Variants in GTF2F2 observed in about 807,000 individuals in gnomAD.
GTF2F2 encodes general transcription factor IIF subunit 2.
In GTF2F2, 23 loss-of-function variants were observed where a neutral mutation model predicts 42.2. The ratio of observed to expected loss-of-function variants is 0.55; its 90% CI spans 0.39 to 0.77. The LOEUF is 0.77. Ranked by LOEUF, GTF2F2 falls within the 30% of genes least tolerant of loss-of-function variation. The probability of loss-of-function intolerance (pLI) is 0.00; values close to 1 mark genes in which losing one functional copy is unlikely to be tolerated. For missense variants in GTF2F2, 261 were observed against 287.2 expected (o/e 0.91, Z 0.66); for synonymous variants, 105 against 100.8 (o/e 1.04, Z -0.25).
intron 4 of GTF2F2, among the ~76,000 whole-genome samples, chr13:45,184,486 T>C (rs977719524): frequency 2.7e-5 from 4 of 150,794 alleles, no homozygotes; most frequent in African/African-American, 9.9e-5. Flanking sequence ...ACTCTTGGGC[T>C]CAAGCAATCT....
At chr13:45,126,096 G>A (rs545633776) in intron 1 of GTF2F2, among the ~76,000 whole-genome samples, 47 of 152,176 alleles carry the variant, frequency 3.1e-4, no homozygotes, top group Admixed American at 8.5e-4. Flanking sequence ...AGTGCTGAAG[G>A]GGGAATCTGG....
intron 1 of GTF2F2, among the ~76,000 whole-genome samples, chr13:45,136,145 C>T (rs1039818957): frequency 1.5e-4 from 23 of 152,186 alleles, no homozygotes; most frequent in African/African-American, 5.6e-4. Flanking sequence ...GCCTCAAATT[C>T]ATCATCTGTA....
intron 4 of GTF2F2, among the ~76,000 whole-genome samples, chr13:45,173,747 A>T (rs746547348): frequency 6.7e-6 from 1 of 149,688 alleles, no homozygotes; most frequent in African/African-American, 2.5e-5. Context: ...CCCCCCGAGT[A>T]GCTGGGACTA....
intron 4 of GTF2F2, among the ~76,000 whole-genome samples, chr13:45,181,679 CA>C (rs549383602): frequency 5.3e-5 from 8 of 151,896 alleles, no homozygotes; most frequent in African/African-American, 1.7e-4. Context: ...CTATATAAGC[CA>C]AAAAAACTTA....
intron 4 of GTF2F2, among the ~76,000 whole-genome samples, chr13:45,167,919 T>A (rs1871374660): frequency 6.6e-6 from 1 of 152,196 alleles, no homozygotes; most frequent in Non-Finnish European, 1.5e-5. Context: ...TTGTGGCATT[T>A]TCTGTTGATA....
chr13:45,161,993 T>C (rs955935377), intron 4 of GTF2F2, among the ~76,000 whole-genome samples: 3 of 152,220 alleles, frequency 2.0e-5, no homozygotes, highest in African/African-American at 7.2e-5. Flanking sequence ...TTAAATAAGA[T>C]AGTAAATACA....
At chr13:45,179,016 C>T (rs1020768506) in intron 4 of GTF2F2, among the ~76,000 whole-genome samples, 2 of 152,172 alleles carry the variant, frequency 1.3e-5, no homozygotes, top group Admixed American at 1.3e-4. Flanking sequence ...AGGTCTAGCC[C>T]ATGCTTCTTT....
chr13:45,193,632 A>G (rs975386674), intron 4 of GTF2F2: 5 of 647,600 alleles, frequency 7.7e-6, no homozygotes, highest in African/African-American at 7.3e-5. Flanking sequence ...ATCTTTAGCG[A>G]TAGAATTTAC....
intron 5 of GTF2F2, among the ~76,000 whole-genome samples, chr13:45,242,597 G>A (rs1263428268): frequency 6.6e-6 from 1 of 152,062 alleles, no homozygotes; most frequent in Non-Finnish European, 1.5e-5. Flanking sequence ...TAGTGTTTTT[G>A]TAGTTGTTTA....
At chr13:45,260,056 A>G (rs1184923447) in intron 6 of GTF2F2, among the ~76,000 whole-genome samples, 1 of 152,020 alleles carries the variant, frequency 6.6e-6, no homozygotes, top group Non-Finnish European at 1.5e-5. Flanking sequence ...CAGATGGGTA[A>G]GAGAAAAAAA....
In GTF2F2 at chr13:45,226,581, T is replaced by C. The variant is rs187533957; in HGVS notation, c.386+19076T>C. ...ATTATATTCCCCATTATTGTTCTTC[T>C]GTTTAAATGTTTTTCTTAATTCTTC... On this transcript the variant is annotated intron_variant, in intron 5 of 7. Transcript: ENST00000340473. Among the ~76,000 whole-genome samples the C allele has an allele frequency of 6.9e-3, 1,046 of 152,318 alleles. 2 individuals are homozygous for C. The highest frequency in any genetic ancestry group is 0.01 in the Non-Finnish European group (698 of 68,028).
At chr13:45,162,127 C>T (rs1051831960) in intron 4 of GTF2F2, among the ~76,000 whole-genome samples, 25 of 152,168 alleles carry the variant, frequency 1.6e-4, no homozygotes, top group African/African-American at 5.8e-4. Flanking sequence ...TGACTAGCCC[C>T]TATTTCCTGA....
chr13:45,172,371 G>A (rs1010301824), intron 4 of GTF2F2, among the ~76,000 whole-genome samples: 7 of 152,160 alleles, frequency 4.6e-5, no homozygotes, highest in South Asian at 2.1e-4. Context: ...CAGACCCTTT[G>A]CCTATTGTTA....
chr13:45,157,573 C>T (rs1023134735), intron 4 of GTF2F2, among the ~76,000 whole-genome samples: 3 of 152,064 alleles, frequency 2.0e-5, no homozygotes, highest in African/African-American at 7.3e-5. Context: ...GAGATCTACT[C>T]ACTCACCTGA....
chr13:45,172,663 C>T (rs116609381), intron 4 of GTF2F2, among the ~76,000 whole-genome samples: 1,620 of 152,210 alleles, frequency 0.011, 33 homozygotes, highest in African/African-American at 0.037. Context: ...TAATTCTTTT[C>T]CATGCAGCTA....
chr13:45,128,122 G>A (rs1177574558), intron 1 of GTF2F2, among the ~76,000 whole-genome samples: 2 of 146,534 alleles, frequency 1.4e-5, no homozygotes, highest in Non-Finnish European at 3.0e-5. Context: ...CACCATGCCC[G>A]GCTAATTTTT....
chr13:45,206,268 A>G (rs1873408407), intron 4 of GTF2F2: 1 of 152,188 alleles, frequency 6.6e-6, no homozygotes, highest in South Asian at 2.1e-4. Flanking sequence ...GAGACATCCA[A>G]AGATCACTAA....
In GTF2F2 at chr13:45,240,101, A is replaced by ATTTTTT. The variant is rs34744288; in HGVS notation, c.387-12749_387-12744dup. 1.1e-4 allele frequency among the ~76,000 whole-genome samples: 10 copies of ATTTTTT among 91,094 alleles called. 1 individual carries two copies. Among genetic ancestry groups the ATTTTTT allele is most frequent in the African/African-American group, 3.7e-4 (7 of 18,846 alleles). 59.8% of individuals were successfully genotyped at this position (91,094 alleles called of 152,430 possible). On this transcript the variant is annotated intron_variant, in intron 5 of 7. Coordinates refer to ENST00000340473, the MANE Select transcript of GTF2F2 (RefSeq NM_004128.3). ...TCCAATTTCTGTATTATGTAGAGGG[A>ATTTTTT]TTTTTTTTTTTTTTTTTTTTTTTTT...
chr13:45,255,371 CT>C (rs1433141660), intron 6 of GTF2F2, among the ~76,000 whole-genome samples: 1 of 152,064 alleles, frequency 6.6e-6, no homozygotes, highest in Non-Finnish European at 1.5e-5. Context: ...ACTGTGTGAA[CT>C]GGAGTGCACA....
Sources: gnomAD v4.1 joint callset for allele counts (sites outside exome capture counted in the v4.1 genomes callset) on GRCh38, gnomAD v4.1.1 for gene constraint, MANE v1.5 for transcripts, NCBI Gene and HGNC (gene_info 2026-07-23, HGNC 2026-07-21) for gene names.